WDR5B: variants seen among roughly 807,000 people sequenced by gnomAD.
WDR5B encodes the protein WD repeat domain 5B.
WDR5B carries 17 observed loss-of-function variants against 24.0 expected under a neutral mutation model. The observed-to-expected ratio is 0.71, with a 90% CI of 0.49 to 1.06. The LOEUF (loss-of-function observed/expected upper bound fraction) is 1.06, where lower values mean the gene tolerates loss of function less well. WDR5B is among the 50% of genes least tolerant of loss of function. The probability of loss-of-function intolerance (pLI) is 0.00; values close to 1 mark genes in which losing one functional copy is unlikely to be tolerated. For missense variants in WDR5B, 368 were observed against 384.1 expected, an observed-to-expected ratio of 0.96 and a Z score of 0.35; for synonymous variants, 150 against 146.4, an observed-to-expected ratio of 1.02 and a Z score of -0.18.
Position 122,414,359 on chromosome 3 carries a change from G to T in WDR5B, c.*177C>A. On this transcript the variant is annotated 3_prime_UTR_variant, in exon 1 of 1. Transcript: ENST00000330689. ...GCTCAAAAAAGATTGGTAGTCAGAA[G>T]CTGAATTCTAGATGTGCTTTTTCAA... is the stretch of plus-strand genomic sequence containing the variant. 1 of 796,706 alleles carries T rather than the reference G, an allele frequency of 1.3e-6. No homozygotes were observed. Among genetic ancestry groups the T allele is most frequent in the Non-Finnish European group, 1.9e-6 (1 of 526,036 alleles). The allele number at this position is 796,706 out of a possible 1,614,324, so 49.4% of individuals were successfully genotyped here.
rs1465450886 is a variant in WDR5B at position 122,412,345 on chromosome 3, T to A, written c.*2191A>T. ...TAATGTGTGAGGTTACGGTTACTTTTTATTTTTAATCAACATGATAGTTTT... is the reference window on the plus strand; with the variant it reads ...TAATGTGTGAGGTTACGGTTACTTTATATTTTTAATCAACATGATAGTTTT... On this transcript the variant is annotated 3_prime_UTR_variant, in exon 1 of 1. Transcript: ENST00000330689. 6.6e-6 allele frequency: 1 copy of A among 152,232 alleles called. No homozygotes were observed. The highest frequency in any genetic ancestry group is 2.4e-5 in the African/African-American group (1 of 41,460). 9.4% of individuals were successfully genotyped at this position (152,232 alleles called of 1,614,324 possible).
rs2075717869 is a variant in WDR5B, at chr3:122,413,956, C to G, written c.*580G>C. 6.5e-6 allele frequency: 1 copy of G among 153,346 alleles called. No individual in the cohort carries two copies. Among genetic ancestry groups the G allele is most frequent in the Admixed American group, 6.5e-5 (1 of 15,440 alleles). 9.5% of individuals were successfully genotyped at this position (153,346 alleles called of 1,614,324 possible). A position where few individuals can be genotyped will look rare whatever the true frequency, so the allele number is the denominator to read the frequency against. Reference sequence around the variant, plus strand: ...ATAATGTGGTGTATATACTTATATACATACACATACACATATATGCATACA... The same window carrying G: ...ATAATGTGGTGTATATACTTATATAGATACACATACACATATATGCATACA... On this transcript the variant is annotated 3_prime_UTR_variant, in exon 1 of 1. Transcript: ENST00000330689.
chr3:122,415,595 T>A lies in WDR5B; in HGVS notation c.-67A>T. The A allele has an allele frequency of 6.6e-7, 1 of 1,514,148 alleles. No individual in the cohort carries two copies. Among genetic ancestry groups the A allele is most frequent in the Non-Finnish European group, 8.8e-7 (1 of 1,132,932 alleles). The allele number at this position is 1,514,148 out of a possible 1,614,324, so 93.8% of individuals were successfully genotyped here. On this transcript the variant is annotated 5_prime_UTR_variant, in exon 1 of 1. Coordinates refer to ENST00000330689, the MANE Select transcript of WDR5B (RefSeq NM_019069.4). ...CCCTGAACCAGGCAGTCCAGTACTTTGGCTTTCTGCCCAGCAAAATGAAGA... is the reference window on the plus strand; with the variant it reads ...CCCTGAACCAGGCAGTCCAGTACTTAGGCTTTCTGCCCAGCAAAATGAAGA...
Position 122,415,500 on chromosome 3 carries a change from T to G in WDR5B, c.29A>C (p.Lys10Thr), listed in dbSNP as rs769353764. The change falls in exon 1 of 1, where the codon AAA becomes ACA. Residue 10 changes from lysine to threonine, a missense_variant. Lys to Thr is a moderately conservative substitution (Grantham distance 78). Transcript: ENST00000330689. ...CGATGAGGAGAGGGCCAACTGTGCTTTGGCGTCTCTTGACTCCTTGGTTGC... is the reference window on the plus strand; with the variant it reads ...CGATGAGGAGAGGGCCAACTGTGCTGTGGCGTCTCTTGACTCCTTGGTTGC... MATKESRDA[K>T]AQLALSSSAN... 1 of 1,613,094 alleles carries G rather than the reference T, an allele frequency of 6.2e-7. No homozygotes were observed. Among genetic ancestry groups the G allele is most frequent in the Non-Finnish European group, 8.5e-7 (1 of 1,179,508 alleles).
chr3:122,415,817 C>A lies in WDR5B; in HGVS notation c.-289G>T. ...ACAAATGTTCGGCATTCCGTTAATA[C>A]ATAAAGCCTTCAAAGCAGGGGCGAC... On this transcript the variant is annotated 5_prime_UTR_variant, in exon 1 of 1. The change abolishes an upstream ATG in the 5' untranslated region. Coordinates refer to ENST00000330689, the MANE Select transcript of WDR5B (RefSeq NM_019069.4). 1 of 356,538 alleles carries A rather than the reference C, an allele frequency of 2.8e-6. No homozygotes were observed. Among genetic ancestry groups the A allele is most frequent in the Non-Finnish European group, 5.3e-6 (1 of 187,782 alleles). 22.1% of individuals were successfully genotyped at this position (356,538 alleles called of 1,614,324 possible).
At position 122,415,446 on chromosome 3, in the gene WDR5B, T is replaced by C. The variant is rs369678897; in HGVS notation, c.83A>G (p.Asn28Ser). 1.7e-5 allele frequency: 28 copies of C among 1,614,020 alleles called. No homozygotes were observed. Among genetic ancestry groups the C allele is most frequent in the Non-Finnish European group, 2.4e-5 (28 of 1,180,036 alleles). The change falls in exon 1 of 1, where the codon AAC becomes AGC. Residue 28 changes from asparagine to serine, a missense_variant. Physicochemically the swap from Asn to Ser is conservative, Grantham distance 46. Transcript: ENST00000330689. ...AGTACATTTGAGAGCATAGTTTGGG[T>C]TTTCAGGCACTTCCTTGCTCTGATT... ...SANQSKEVPE[N>S]PNYALKCTLV...
rs759222375 is a variant in WDR5B, at chr3:122,414,781, C to T, written c.748G>A (p.Gly250Ser). 5.6e-6 allele frequency: 9 copies of T among 1,614,000 alleles called. No homozygotes were observed. The highest frequency in any genetic ancestry group is 7.6e-6 in the Non-Finnish European group (9 of 1,180,030). Residue 250 changes from glycine (G) to serine (S), a missense_variant, in exon 1 of 1, where the codon GGT becomes AGT. Gly to Ser is a moderately conservative substitution (Grantham distance 56). Coordinates refer to ENST00000330689, the MANE Select transcript of WDR5B (RefSeq NM_019069.4). ...SRGRCLKTYT[G>S]HKNEKYCIFA... is the part of the protein sequence containing the mutation. ...ATGCAATATTTCTCATTCTTATGAC[C>T]AGTGTATGTTTTCAGGCACCTGCCT...
Position 122,414,305 on chromosome 3 carries a change from A to C in WDR5B, c.*231T>G, listed in dbSNP as rs2075720395. 1.7e-6 allele frequency: 1 copy of C among 593,560 alleles called. No homozygotes were observed. Among genetic ancestry groups the C allele is most frequent in the Non-Finnish European group, 2.9e-6 (1 of 346,922 alleles). The allele number at this position is 593,560 out of a possible 1,614,324, so 36.8% of individuals were successfully genotyped here. Reference sequence around the variant, plus strand: ...GCAATATATCCCTGTAATAAAAGTGACATAAATCCATAAAAATTACAAAAA... The same window carrying C: ...GCAATATATCCCTGTAATAAAAGTGCCATAAATCCATAAAAATTACAAAAA... On this transcript the variant is annotated 3_prime_UTR_variant, in exon 1 of 1. Coordinates refer to ENST00000330689, the MANE Select transcript of WDR5B (RefSeq NM_019069.4).
At position 122,414,998 on chromosome 3, in the gene WDR5B, A is replaced by G. The variant is rs1280235252; in HGVS notation, c.531T>C (p.Cys177=). The change falls in exon 1 of 1, where the codon TGT becomes TGC. Residue 177 remains cysteine (C), a synonymous_variant. Transcript: ENST00000330689. ...TACCTGACACTATCAAGGACCCACTACAATTAAAATGAACAGCAGAAACTG... is the reference window on the plus strand; with the variant it reads ...TACCTGACACTATCAAGGACCCACTGCAATTAAAATGAACAGCAGAAACTG... ...SDPVSAVHFN[C]SGSLIVSGSY... is the part of the protein sequence containing the mutation. 1.2e-6 allele frequency: 2 copies of G among 1,614,050 alleles called. No individual in the cohort carries two copies. Among genetic ancestry groups the G allele is most frequent in the East Asian group, 2.2e-5 (1 of 44,896 alleles).
Position 122,414,506 on chromosome 3 carries a change from C to T in WDR5B, c.*30G>A. 3 of 1,556,944 alleles carry T rather than the reference C, an allele frequency of 1.9e-6. No individual in the cohort carries two copies. Among genetic ancestry groups the T allele is most frequent in the African/African-American group, 1.4e-5 (1 of 72,618 alleles). On this transcript the variant is annotated 3_prime_UTR_variant, in exon 1 of 1. Transcript: ENST00000330689. Reference sequence around the variant, plus strand: ...TTAAATATCCAAGTTTTTTGGCCAACTTGGCTCTACTACTTGATTTTCAAA... The same window carrying T: ...TTAAATATCCAAGTTTTTTGGCCAATTTGGCTCTACTACTTGATTTTCAAA...
chr3:122,415,549 G>A lies in WDR5B; in HGVS notation c.-21C>T, dbSNP rs2075731150. 1 of 1,595,554 alleles carries A rather than the reference G, an allele frequency of 6.3e-7. No homozygotes were observed. Among genetic ancestry groups the A allele is most frequent in the African/African-American group, 1.3e-5 (1 of 74,450 alleles). ...GCCATGGCTCTGAAGCTCCAAGTTA[G>A]CAGGTGTACTAGGCGTTCAGCCCTG... is the stretch of plus-strand genomic sequence containing the variant. On this transcript the variant is annotated 5_prime_UTR_variant, in exon 1 of 1. Transcript: ENST00000330689.
rs2075732955 is a variant in WDR5B, at chr3:122,415,915, C to CTG, written c.-389_-388dup. 1 of 190,250 alleles carries CTG rather than the reference C, an allele frequency of 5.3e-6. No individual in the cohort carries two copies. The highest frequency in any genetic ancestry group is 1.5e-4 in the South Asian group (1 of 6,778). The allele number at this position is 190,250 out of a possible 1,614,324, so 11.8% of individuals were successfully genotyped here. ...CCCCAGGTCGAAATGTTTCGGAATG[C>CTG]TGAGCAGCCCTACCAGTCAGGCTAG... On this transcript the variant is annotated 5_prime_UTR_variant, in exon 1 of 1. Transcript: ENST00000330689.
chr3:122,414,707 G>A lies in WDR5B; in HGVS notation c.822C>T (p.Ser274=). The change falls in exon 1 of 1, where the codon TCC becomes TCT. Residue 274 remains serine (S), a synonymous_variant. Coordinates refer to ENST00000330689, the MANE Select transcript of WDR5B (RefSeq NM_019069.4). ...TCCAAATGTAAACCAGGTTATCCTC[G>A]GAACCAGACACAATCCACTTTCCAC... ...VTGGKWIVSG[S]EDNLVYIWNL... is the part of the protein sequence containing the mutation. 5 of 1,614,084 alleles carry A rather than the reference G, an allele frequency of 3.1e-6. No individual in the cohort carries two copies. The highest frequency in any genetic ancestry group is 1.7e-5 in the Admixed American group (1 of 60,006).
At position 122,415,088 on chromosome 3, in the gene WDR5B, C is replaced by T. The variant is rs369396786; in HGVS notation, c.441G>A (p.Glu147=). Residue 147 remains glutamate, a synonymous_variant, in exon 1 of 1, where the codon GAG becomes GAA. Coordinates refer to ENST00000330689, the MANE Select transcript of WDR5B (RefSeq NM_019069.4). ...SNLIISGSFD[E]TVKIWEVKTG... Reference sequence around the variant, plus strand: ...TTTTCACCTCCCATATTTTTACAGTCTCATCAAAAGATCCCGAGATTATAA... The same window carrying T: ...TTTTCACCTCCCATATTTTTACAGTTTCATCAAAAGATCCCGAGATTATAA... 102 of 1,614,064 alleles carry T rather than the reference C, an allele frequency of 6.3e-5. No homozygotes were observed. The highest frequency in any genetic ancestry group is 5.7e-5 in the Non-Finnish European group (67 of 1,180,044).
In WDR5B at chr3:122,415,813, A is replaced by G; in HGVS notation, c.-285T>C. The stretch of plus-strand genomic sequence containing the variant: ...GGACACAAATGTTCGGCATTCCGTT[A>G]ATACATAAAGCCTTCAAAGCAGGGG... On this transcript the variant is annotated 5_prime_UTR_variant, in exon 1 of 1. It removes the in-frame stop codon of an upstream open reading frame in the 5' UTR. Coordinates refer to ENST00000330689, the MANE Select transcript of WDR5B (RefSeq NM_019069.4). 1 of 376,404 alleles carries G rather than the reference A, an allele frequency of 2.7e-6. No homozygotes were observed. Among genetic ancestry groups the G allele is most frequent in the Non-Finnish European group, 5.0e-6 (1 of 199,792 alleles). 23.3% of individuals were successfully genotyped at this position (376,404 alleles called of 1,614,324 possible).
Position 122,414,917 on chromosome 3 carries a change from C to A in WDR5B, c.612G>T (p.Thr204=), listed in dbSNP as rs1560005535. The A allele has an allele frequency of 6.2e-7, 1 of 1,614,150 alleles. No individual in the cohort carries two copies. ...CAGGAGGGTTATCGTCATCAACGAG[C>A]GTTTTTAAACACTGACCTGATGCAG... ...WDAASGQCLK[T]LVDDDNPPVS... Residue 204 remains threonine, a synonymous_variant, in exon 1 of 1, where the codon ACG becomes ACT. Coordinates refer to ENST00000330689, the MANE Select transcript of WDR5B (RefSeq NM_019069.4).
rs1196596865 is a variant in WDR5B at position 122,415,632 on chromosome 3, G to A, written c.-104C>T. 2.1e-6 allele frequency: 3 copies of A among 1,419,968 alleles called. No homozygotes were observed. Among genetic ancestry groups the A allele is most frequent in the African/African-American group, 1.4e-5 (1 of 69,638 alleles). 88.0% of individuals were successfully genotyped at this position (1,419,968 alleles called of 1,614,324 possible). Reference sequence around the variant, plus strand: ...CAGCAAAATGAAGATAAACGCACAGGATTTTAAAATGTACAGTTTTGAAAG... The same window carrying A: ...CAGCAAAATGAAGATAAACGCACAGAATTTTAAAATGTACAGTTTTGAAAG... On this transcript the variant is annotated 5_prime_UTR_variant, in exon 1 of 1. Transcript: ENST00000330689.
Position 122,414,854 on chromosome 3 carries a change from AATGT to A in WDR5B, c.671_674del (p.Tyr224PhefsTer21). ...GAGTGTTGTCCAAAGTTGCAGTGAG[AATGT>A]ATTTACCATTTGGAGAAAATTTTAC... On this transcript the variant is annotated frameshift_variant, in exon 1 of 1. Transcript: ENST00000330689. LOFTEE classifies it high-confidence loss of function. 1 of 1,614,156 alleles carries A rather than the reference AATGT, an allele frequency of 6.2e-7. No individual in the cohort carries two copies. Among genetic ancestry groups the A allele is most frequent in the African/African-American group, 1.3e-5 (1 of 75,044 alleles).
At position 122,415,240 on chromosome 3, in the gene WDR5B, G is replaced by C. The variant is rs749825852; in HGVS notation, c.289C>G (p.Arg97Gly). 1 of 1,614,180 alleles carries C rather than the reference G, an allele frequency of 6.2e-7. No homozygotes were observed. The highest frequency in any genetic ancestry group is 1.1e-5 in the South Asian group (1 of 91,062). Residue 97 changes from arginine (R) to glycine (G), a missense_variant, in exon 1 of 1, where the codon CGT becomes GGT. Physicochemically the swap from Arg to Gly is moderately radical, Grantham distance 125. Transcript: ENST00000330689. ...TTATCATCTGAGGCAGAAACAAGAC[G>C]ACTGGAATCTGATGACCAGGCAACA... The part of the protein sequence containing the change: ...SDVAWSSDSS[R>G]LVSASDDKTL...
Sources: allele counts gnomAD v4.1 joint callset, GRCh38; gene constraint gnomAD v4.1.1; transcripts MANE v1.5; gene names NCBI Gene and HGNC (gene_info 2026-07-23, HGNC 2026-07-21).